Variants in PTPRE observed in about 807,000 individuals in gnomAD.
PTPRE encodes the protein protein tyrosine phosphatase receptor type E.
PTPRE carries 51 observed loss-of-function variants against 102.0 expected under a neutral mutation model. The ratio of observed to expected loss-of-function variants is 0.50; its 90% confidence interval spans 0.40 to 0.63. PTPRE has a LOEUF of 0.63. PTPRE is among the 30% of genes least tolerant of loss of function. The pLI is 0.00. For synonymous variants in PTPRE, 345 were observed against 348.2 expected, an observed-to-expected ratio of 0.99 and a Z score of 0.10; for missense variants, 752 against 915.1, an observed-to-expected ratio of 0.82 and a Z score of 2.30.
At chr10:127,962,222 G>A (rs779625077) in intron 1 of PTPRE, among the ~76,000 whole-genome samples, 1 of 152,176 alleles carries the variant, frequency 6.6e-6, no homozygotes, top group Non-Finnish European at 1.5e-5. Flanking sequence ...GCCTGGACAC[G>A]TGGCTCTAGC....
chr10:128,034,839 A>C (rs148678715), intron 2 of PTPRE, among the ~76,000 whole-genome samples: 2,093 of 152,364 alleles, frequency 0.014, 35 homozygotes, highest in South Asian at 0.065. Flanking sequence ...ACATTGAAAA[A>C]TATATTGAAT....
At chr10:128,026,874 A>T (rs1448760356) in intron 2 of PTPRE, among the ~76,000 whole-genome samples, 1 of 152,240 alleles carries the variant, frequency 6.6e-6, no homozygotes, top group Admixed American at 6.5e-5. Flanking sequence ...TAAATCTTTC[A>T]TCCATGTAAG....
In PTPRE at chr10:128,008,702, A is replaced by C. The variant is rs920776440; in HGVS notation, c.-8+26406A>C. ...AATTCCGGCCAGGACTCAAGGATGT[A>C]AGAAGTAGGAGACGCAGGATCAGGG... is the stretch of plus-strand genomic sequence containing the variant. On this transcript the variant is annotated intron_variant, in intron 2 of 20. Transcript: ENST00000254667. This position sits in a 1 kb window ranked among gnomAD's most constrained non-coding sequence, Gnocchi z 4.0. Among the ~76,000 whole-genome samples, 1 of 152,164 alleles carries C rather than the reference A, an allele frequency of 6.6e-6. No individual in the cohort carries two copies. The highest frequency in any genetic ancestry group is 1.5e-5 in the Non-Finnish European group (1 of 68,032).
chr10:127,918,662 G>T (rs573846156), intron 1 of PTPRE, among the ~76,000 whole-genome samples: 11 of 152,252 alleles, frequency 7.2e-5, no homozygotes, highest in African/African-American at 2.6e-4. Flanking sequence ...TGCAAACCAA[G>T]TCCCAGGGCT....
intron 1 of PTPRE, among the ~76,000 whole-genome samples, chr10:127,910,871 G>T (rs904817845): frequency 2.0e-5 from 3 of 152,232 alleles, no homozygotes; most frequent in Middle Eastern, 3.4e-3. Context: ...ATCACTTGAG[G>T]CCAGGAATTC....
At chr10:127,991,672 T>A (rs1484132011) in intron 2 of PTPRE, among the ~76,000 whole-genome samples, 1 of 152,220 alleles carries the variant, frequency 6.6e-6, no homozygotes, top group Non-Finnish European at 1.5e-5. Flanking sequence ...GGAAGTCGCG[T>A]GGGAGGTTTC....
At chr10:128,044,737 A>G (rs1847952031) in intron 3 of PTPRE, among the ~76,000 whole-genome samples, 1 of 152,106 alleles carries the variant, frequency 6.6e-6, no homozygotes, top group African/African-American at 2.4e-5. Flanking sequence ...AATAACATGA[A>G]ATGAAAATAA....
chr10:128,030,777 T>C (rs569978383), intron 2 of PTPRE, among the ~76,000 whole-genome samples: 1 of 152,302 alleles, frequency 6.6e-6, no homozygotes, highest in East Asian at 1.9e-4. Context: ...ATTCAGGTTC[T>C]GTGGGTTCCC....
intron 1 of PTPRE, among the ~76,000 whole-genome samples, chr10:127,924,747 G>T (rs1846883947): frequency 6.6e-6 from 1 of 152,204 alleles, no homozygotes; most frequent in South Asian, 2.1e-4. Flanking sequence ...CAGAAAAATT[G>T]ACCCATATAA....
At chr10:128,077,838 C>T (rs1005908374) in intron 19 of PTPRE, 55 bp downstream of exon 19, 1 of 1,536,460 alleles carries the variant, frequency 6.5e-7, no homozygotes, top group African/African-American at 1.4e-5. Context: ...TGCACCCCCC[C>T]AGTACCCGCA....
intron 2 of PTPRE, among the ~76,000 whole-genome samples, chr10:128,013,259 C>T (rs1013451203): frequency 9.9e-5 from 15 of 152,170 alleles, no homozygotes; most frequent in East Asian, 5.8e-4. Flanking sequence ...TTAGCTGGGT[C>T]GAGGGTGGCA....
intron 1 of PTPRE, among the ~76,000 whole-genome samples, chr10:127,930,236 C>T (rs1256709902): frequency 6.6e-6 from 1 of 151,870 alleles, no homozygotes; most frequent in African/African-American, 2.4e-5. Context: ...ATTTTACCAC[C>T]CTGCCCCCGA....
intron 2 of PTPRE, among the ~76,000 whole-genome samples, chr10:128,029,823 G>A (rs748861965): frequency 2.0e-5 from 3 of 152,310 alleles, no homozygotes; most frequent in Admixed American, 6.5e-5. Context: ...CTTAGGGGCC[G>A]CCAGCTTCCT....
rs751295885 is a variant in PTPRE, at chr10:128,070,955, G to A, written c.1387+54G>A. The A allele has an allele frequency of 1.3e-6, 2 of 1,545,618 alleles. No individual in the cohort carries two copies. The highest frequency in any genetic ancestry group is 1.8e-6 in the Non-Finnish European group (2 of 1,120,994). On this transcript the variant is annotated intron_variant, in intron 15 of 20. Transcript: ENST00000254667. This position sits in a 1 kb window ranked among gnomAD's most constrained non-coding sequence, Gnocchi z 4.8. ...GGGCTGGGGCGGGGCTGGTGCCGGA[G>A]GCTTTCATCCTGGAGAAGCCATTGA...
rs1847624855 is a variant in PTPRE, at chr10:128,040,819, G to A, written c.-7-56G>A. The A allele has an allele frequency of 2.2e-6, 3 of 1,389,118 alleles. No homozygotes were observed. The South Asian group carries it at 3.5e-5, about 16-fold the overall frequency. 86.0% of individuals were successfully genotyped at this position (1,389,118 alleles called of 1,614,324 possible). A position where few individuals can be genotyped will look rare whatever the true frequency, so the allele number is the denominator to read the frequency against. On this transcript the variant is annotated intron_variant, in intron 2 of 20. Coordinates refer to ENST00000254667, the MANE Select transcript of PTPRE (RefSeq NM_006504.6). ...TCCTCATCATCACTGCCTGGCACCG[G>A]AGGGTCCCACAGCTGCTGCTGGATG...
chr10:127,945,709 A>C (rs535650588), intron 1 of PTPRE, among the ~76,000 whole-genome samples: 3 of 152,270 alleles, frequency 2.0e-5, no homozygotes, highest in Admixed American at 1.3e-4. Context: ...AGGGCGGGCC[A>C]ACAGGTCATT....
intron 10 of PTPRE, among the ~76,000 whole-genome samples, chr10:128,065,694 G>A (rs1850022052): frequency 6.6e-6 from 1 of 152,230 alleles, no homozygotes; most frequent in Admixed American, 6.5e-5. Context: ...ATGTCTGGGG[G>A]GAGCACCGTC....
chr10:127,993,896 C>T (rs1852966371), intron 2 of PTPRE, among the ~76,000 whole-genome samples: 1 of 151,890 alleles, frequency 6.6e-6, no homozygotes, highest in Admixed American at 6.6e-5. Context: ...CCCCATCCTC[C>T]CTGTTGAGGA....
chr10:127,907,269 C>T lies in PTPRE; in HGVS notation c.-71C>T, dbSNP rs530577224. On this transcript the variant is annotated 5_prime_UTR_variant, in exon 1 of 21. Transcript: ENST00000254667. The surrounding 1 kb of genome is among the most constrained non-coding windows in gnomAD (Gnocchi z 4.8). Reference sequence around the variant, plus strand: ...AGGCGCCCGGGAGATGCGGAGCCTCCGCTGCAGCGCGATCTGCGCGACCAG... The same window carrying T: ...AGGCGCCCGGGAGATGCGGAGCCTCTGCTGCAGCGCGATCTGCGCGACCAG... 1 of 984,560 alleles carries T rather than the reference C, an allele frequency of 1.0e-6. No homozygotes were observed. Among genetic ancestry groups the T allele is most frequent in the Non-Finnish European group, 1.2e-6 (1 of 829,724 alleles). The allele number at this position is 984,560 out of a possible 1,614,324, so 61.0% of individuals were successfully genotyped here. A position where few individuals can be genotyped will look rare whatever the true frequency, so the allele number is the denominator to read the frequency against.
Sources: gnomAD v4.1 joint callset for allele counts (sites outside exome capture counted in the v4.1 genomes callset) on GRCh38, gnomAD v4.1.1 for gene constraint, Gnocchi (gnomAD v3.1) non-coding constraint, MANE v1.5 for transcripts, NCBI Gene and HGNC (gene_info 2026-07-23, HGNC 2026-07-21) for gene names.